CALCA: variants seen among roughly 807,000 people sequenced by gnomAD.
The protein encoded by CALCA is calcitonin.
CALCA carries 4 observed loss-of-function variants against 6.9 expected under a neutral mutation model. The ratio of observed to expected loss-of-function variants is 0.58; its 90% confidence interval spans 0.29 to 1.33. The LOEUF (loss-of-function observed/expected upper bound fraction) is 1.33, where lower values mean the gene tolerates loss of function less well. Among genes scored for constraint, CALCA ranks in the 40% most tolerant of loss-of-function variants. The pLI is 0.09. For synonymous variants in CALCA, 78 were observed against 70.0 expected (o/e 1.11, Z -0.57); for missense variants, 174 against 178.3 (o/e 0.98, Z 0.14).
chr11:14,970,972 A>G (rs1312134099), intron 2 of CALCA, 135 bp downstream of exon 2: 2 of 696,726 alleles, frequency 2.9e-6, no homozygotes, highest in African/African-American at 1.8e-5. Flanking sequence ...ACATTTTTAT[A>G]TCAAAAAATT....
rs1485296679 is a variant in CALCA at position 14,970,093 on chromosome 11, A to G, written c.87-18T>C. On this transcript the variant is annotated intron_variant, in intron 2 of 3. Coordinates refer to ENST00000331587, the MANE Select transcript of CALCA (RefSeq NM_001741.3). ...GGGCAGACCTGTGGAGGGGAAGCAA[A>G]CTCAGTGCAGGCTGTGAGCCCCTGC... 6.2e-7 allele frequency: 1 copy of G among 1,614,000 alleles called. No individual in the cohort carries two copies. Among genetic ancestry groups the G allele is most frequent in the Non-Finnish European group, 8.5e-7 (1 of 1,179,944 alleles).
rs563888173 is a variant in CALCA at position 14,968,509 on chromosome 11, A to G, written c.*290T>C. On this transcript the variant is annotated 3_prime_UTR_variant, in exon 4 of 4. Coordinates refer to ENST00000331587, the MANE Select transcript of CALCA (RefSeq NM_001741.3). ...CCACCACAGCTCAGATCTTTGGGGA[A>G]AAATAATTTTATTCCTCAAATGATC... 2.8e-5 allele frequency: 36 copies of G among 1,290,738 alleles called. No individual in the cohort carries two copies. The highest frequency in any genetic ancestry group is 6.3e-4 in the Middle Eastern group (2 of 3,154). The allele number at this position is 1,290,738 out of a possible 1,614,324, so 80.0% of individuals were successfully genotyped here. A position where few individuals can be genotyped will look rare whatever the true frequency, so the allele number is the denominator to read the frequency against.
downstream of CALCA, chr11:14,968,287 A>T: frequency 2.8e-6 from 1 of 351,908 alleles, no homozygotes; most frequent in Non-Finnish European, 5.0e-6. Flanking sequence ...CCTCAGTCTT[A>T]CCTGGAAGAG....
chr11:14,971,204 G>A lies in CALCA; in HGVS notation c.-9-3C>T. Reference sequence around the variant, plus strand: ...TTTTGGAAGCCCATGACACCTCTCTGCAAGGGAAGAATGAGATAAACCACC... The same window carrying A: ...TTTTGGAAGCCCATGACACCTCTCTACAAGGGAAGAATGAGATAAACCACC... On this transcript the variant is annotated splice_polypyrimidine_tract_variant and splice_region_variant and intron_variant, in intron 1 of 3. Coordinates refer to ENST00000331587, the MANE Select transcript of CALCA (RefSeq NM_001741.3). The A allele has an allele frequency of 6.2e-7, 1 of 1,608,692 alleles. No individual in the cohort carries two copies. The highest frequency in any genetic ancestry group is 8.5e-7 in the Non-Finnish European group (1 of 1,175,078).
At chr11:14,968,400 C>T (rs1178875362), downstream of CALCA, 1 of 1,156,296 alleles carries the variant, frequency 8.6e-7, no homozygotes. Flanking sequence ...ACCATATCCT[C>T]TGTCCAGCTA....
intron 1 of CALCA, 92 bp downstream of exon 1, chr11:14,972,153 A>T (rs1849622048): frequency 6.6e-6 from 1 of 152,508 alleles, no homozygotes; most frequent in Non-Finnish European, 1.5e-5. Context: ...ACTAACGGAG[A>T]GAGAGGGAGA....
chr11:14,968,532 A>G lies in CALCA; in HGVS notation c.*267T>C, dbSNP rs1004147840. 18 of 1,360,898 alleles carry G rather than the reference A, an allele frequency of 1.3e-5. No individual in the cohort carries two copies. Among genetic ancestry groups the G allele is most frequent in the Middle Eastern group, 2.8e-4 (1 of 3,552 alleles). 84.3% of individuals were successfully genotyped at this position (1,360,898 alleles called of 1,614,324 possible). A position where few individuals can be genotyped will look rare whatever the true frequency, so the allele number is the denominator to read the frequency against. On this transcript the variant is annotated 3_prime_UTR_variant, in exon 4 of 4. Transcript: ENST00000331587. ...GAAAAATAATTTTATTCCTCAAATGATCAGCACATTCAGAAGCAGGACAGA... is the reference window on the plus strand; with the variant it reads ...GAAAAATAATTTTATTCCTCAAATGGTCAGCACATTCAGAAGCAGGACAGA...
chr11:14,968,891 C>T lies in CALCA; in HGVS notation c.334G>A (p.Gly112Arg). The change falls in exon 4 of 4, where the codon GGG becomes AGG. Residue 112 changes from glycine to arginine, a missense_variant. Coordinates refer to ENST00000331587, the MANE Select transcript of CALCA (RefSeq NM_001741.3). ...CTTTTCTTTCCAGGTGCTCCAACCC[C>T]AATTGCAGTTTGGGGGAACGTGTGA... is the stretch of plus-strand genomic sequence containing the variant. Reference protein sequence around the residue: ...KFHTFPQTAIGVGAPGKKRDM... With the variant: ...KFHTFPQTAIRVGAPGKKRDM... 1.9e-6 allele frequency: 3 copies of T among 1,614,010 alleles called. No individual in the cohort carries two copies. The highest frequency in any genetic ancestry group is 3.3e-4 in the Middle Eastern group (2 of 6,082).
In CALCA at chr11:14,971,155, C is replaced by T. The variant is rs1555026435; in HGVS notation, c.38G>A (p.Ser13Asn). The T allele has an allele frequency of 6.2e-7, 1 of 1,614,008 alleles. No individual in the cohort carries two copies. The highest frequency in any genetic ancestry group is 2.2e-5 in the East Asian group (1 of 44,882). ...GCCTGCCTGCAACAGGACCAAGATG[C>T]TGAGAGCCAGGAAGGGGGAGAACTT... ...FQKFSPFLAL[S>N]ILVLLQAGSL... is the part of the protein sequence containing the mutation. The change falls in exon 2 of 4, where the codon AGC becomes AAC. Residue 13 changes from serine (S) to asparagine (N), a missense_variant. By Grantham distance (46) the Ser-to-Asn change is conservative. Transcript: ENST00000331587.
downstream of CALCA, chr11:14,967,894 T>A: frequency 6.2e-7 from 1 of 1,613,522 alleles, no homozygotes; most frequent in Non-Finnish European, 8.5e-7. Flanking sequence ...GATCTGTGAG[T>A]GAGAGGCTGG....
chr11:14,968,315 T>A (rs1259645526), downstream of CALCA: 1 of 439,282 alleles, frequency 2.3e-6, no homozygotes, highest in Non-Finnish European at 3.6e-6. Context: ...GTTTGCAGCA[T>A]CAAGTCCTAG....
At chr11:14,968,380 G>A, downstream of CALCA, 2 of 1,091,282 alleles carry the variant, frequency 1.8e-6, no homozygotes, top group Non-Finnish European at 2.3e-6. Flanking sequence ...CTTGGTCAAA[G>A]GGACCACCCA....
intron 2 of CALCA, among the ~76,000 whole-genome samples, chr11:14,970,300 A>G (rs1479502416): frequency 6.6e-6 from 1 of 152,240 alleles, no homozygotes; most frequent in African/African-American, 2.4e-5. Context: ...GTGAAAGCTA[A>G]TGGTTAAATT....
rs1013277021 is a variant in CALCA at position 14,969,830 on chromosome 11, T to C, written c.227+105A>G. 6 of 1,559,254 alleles carry C rather than the reference T, an allele frequency of 3.8e-6. No homozygotes were observed. The African/African-American group carries it at 8.1e-5, about 21-fold the overall frequency. ...CCAGGTCCCGGTGAACAACACAGCC[T>C]GTTGGATTCCTGGCCAGTGTGTTCT... On this transcript the variant is annotated intron_variant, in intron 3 of 3. Transcript: ENST00000331587.
In CALCA at chr11:14,968,988, G is replaced by T. The variant is rs781933068; in HGVS notation, c.237C>A (p.Ser79Arg). The change falls in exon 4 of 4, where the codon AGC becomes AGA. Residue 79 changes from serine to arginine, a missense_variant. By Grantham distance (110) the Ser-to-Arg change is moderately radical. Coordinates refer to ENST00000331587, the MANE Select transcript of CALCA (RefSeq NM_001741.3). ...GATTACCGCACCGCTTAGATCTGGG[G>T]CTGTCCAGGCTGCAGGGAAAACACA... ...EQEREGSSLD[S>R]PRSKRCGNLS... is the part of the protein sequence containing the mutation. 14 of 1,613,166 alleles carry T rather than the reference G, an allele frequency of 8.7e-6. No homozygotes were observed. Among genetic ancestry groups the T allele is most frequent in the Middle Eastern group, 1.8e-4 (1 of 5,464 alleles).
rs781856512 is a variant in CALCA at position 14,969,942 on chromosome 11, CCTCT to C, written c.216_219del (p.Glu73AlafsTer15). The C allele has an allele frequency of 1.8e-5, 29 of 1,612,864 alleles. No homozygotes were observed. The highest frequency in any genetic ancestry group is 2.1e-5 in the Non-Finnish European group (25 of 1,179,986). The stretch of plus-strand genomic sequence containing the variant: ...GCGCTTGGGGAGCCTCACCTGGAGC[CCTCT>C]CTCTCTTGCTCCTGCTCCAGCTCAC... On this transcript the variant is annotated frameshift_variant, in exon 3 of 4. Transcript: ENST00000331587. LOFTEE classifies it low-confidence loss of function (END_TRUNC).
intron 2 of CALCA, 52 bp downstream of exon 2, chr11:14,971,055 G>A (rs1353688861): frequency 5.8e-6 from 8 of 1,387,286 alleles, no homozygotes; most frequent in East Asian, 4.5e-5. Context: ...CCACACTTAA[G>A]AGGCATGGAA....
At chr11:14,967,770 C>G (rs1555025654), downstream of CALCA, 7 of 1,614,100 alleles carry the variant, frequency 4.3e-6, no homozygotes, top group African/African-American at 1.3e-5. Context: ...TGTTCTTCAC[C>G]ACACCCCCTG....
chr11:14,969,803 C>A, intron 3 of CALCA, 132 bp downstream of exon 3: 1 of 1,397,690 alleles, frequency 7.2e-7, no homozygotes. Flanking sequence ...AACAGCTGGG[C>A]CCCAGGTCCC....
Sources: gnomAD v4.1 joint callset for allele counts (sites outside exome capture counted in the v4.1 genomes callset) on GRCh38, gnomAD v4.1.1 for gene constraint, MANE v1.5 for transcripts, NCBI Gene and HGNC (gene_info 2026-07-23, HGNC 2026-07-21) for gene names.